PPP2R5B: variants seen among roughly 807,000 people sequenced by gnomAD.
PPP2R5B encodes protein phosphatase 2 regulatory subunit B'beta.
In PPP2R5B, 19 loss-of-function variants were observed where a neutral mutation model predicts 59.9. The observed-to-expected ratio is 0.32, with a 90% CI of 0.22 to 0.47. The LOEUF (loss-of-function observed/expected upper bound fraction) is 0.47, where lower values mean the gene tolerates loss of function less well. Ranked by LOEUF, PPP2R5B falls within the 20% of genes least tolerant of loss-of-function variation. The probability of loss-of-function intolerance (pLI) is 1.00; values close to 1 mark genes in which losing one functional copy is unlikely to be tolerated. For missense variants in PPP2R5B, 441 were observed against 640.2 expected, an observed-to-expected ratio of 0.69 and a Z score of 3.36; for synonymous variants, 286 against 260.5, an observed-to-expected ratio of 1.10 and a Z score of -0.94.
In PPP2R5B at chr11:64,928,170, A is replaced by T; in HGVS notation, c.591+12A>T. On this transcript the variant is annotated intron_variant, in intron 5 of 13. Transcript: ENST00000164133. ...AGTTTGTCCTGATGGTGAAGTGGGG[A>T]GCCCAGGCTGGGTGGTACCACAAGG... 6.2e-7 allele frequency: 1 copy of T among 1,613,878 alleles called. No individual in the cohort carries two copies. The highest frequency in any genetic ancestry group is 1.3e-5 in the African/African-American group (1 of 75,002).
chr11:64,933,734 C>G lies in PPP2R5B; in HGVS notation c.1384C>G (p.Gln462Glu). The G allele has an allele frequency of 6.4e-7, 1 of 1,558,102 alleles. No homozygotes were observed. The highest frequency in any genetic ancestry group is 8.7e-7 in the Non-Finnish European group (1 of 1,150,506). The change falls in exon 14 of 14, where the codon CAA becomes GAA. Residue 462 changes from glutamine (Q) to glutamate (E), a missense_variant. Gln to Glu is a conservative substitution (Grantham distance 29). Transcript: ENST00000164133. ...GGCCCAGGAGCGTCAGGAGTTATGGCAAGGTCTGGAGGAGCTGCGGCTACG... is the reference window on the plus strand; with the variant it reads ...GGCCCAGGAGCGTCAGGAGTTATGGGAAGGTCTGGAGGAGCTGCGGCTACG... ...QKAQERQELW[Q>E]GLEELRLRRL... is the part of the protein sequence containing the mutation.
At chr11:64,922,788 T>C (rs1261711166), upstream of PPP2R5B, among the ~76,000 whole-genome samples, 1 of 150,792 alleles carries the variant, frequency 6.6e-6, no homozygotes, top group Non-Finnish European at 1.5e-5. Context: ...GGCAGGAGAA[T>C]GGTGTGAACC....
chr11:64,918,355 TATG>T (rs2136667392), intron 1 of PPP2R5B: 1 of 152,118 alleles, frequency 6.6e-6, no homozygotes, highest in Admixed American at 6.5e-5. Flanking sequence ...CATAGGTAAT[TATG>T]TTTCTTTTCT....
At chr11:64,933,654 G>T (rs1945252962) in intron 13 of PPP2R5B, 43 bp from the exon 14 acceptor site, 1 of 1,531,770 alleles carries the variant, frequency 6.5e-7, no homozygotes, top group Non-Finnish European at 8.8e-7. Context: ...TCTGGACTGT[G>T]GGGGGCCCCA....
At chr11:64,921,898 C>T (rs1945112911), upstream of PPP2R5B, among the ~76,000 whole-genome samples, 1 of 152,158 alleles carries the variant, frequency 6.6e-6, no homozygotes, top group African/African-American at 2.4e-5. Context: ...TTGCATATAA[C>T]ACAACGTGAT....
upstream of PPP2R5B, among the ~76,000 whole-genome samples, chr11:64,923,539 C>T (rs376362729): frequency 1.3e-5 from 2 of 152,192 alleles, no homozygotes; most frequent in East Asian, 3.9e-4. Context: ...TGGTGAACTG[C>T]GGCCCTCGGT....
intron 1 of PPP2R5B, among the ~76,000 whole-genome samples, chr11:64,919,391 C>A (rs1311980460): frequency 4.0e-5 from 6 of 151,826 alleles, no homozygotes; most frequent in Non-Finnish European, 7.4e-5. Flanking sequence ...TAGAGCTCTG[C>A]CTTCTTCCAT....
chr11:64,927,804 C>A lies in PPP2R5B; in HGVS notation c.399C>A (p.Ile133=). The A allele has an allele frequency of 6.3e-7, 1 of 1,597,408 alleles. No homozygotes were observed. The highest frequency in any genetic ancestry group is 1.1e-5 in the South Asian group (1 of 90,766). ...EPVYPDIIRM[I]SVNIFRTLPP... ...TGAACCCCAACTCTGCCACTCAGATCTCAGTGAATATCTTCCGGACTCTGC... is the reference window on the plus strand; with the variant it reads ...TGAACCCCAACTCTGCCACTCAGATATCAGTGAATATCTTCCGGACTCTGC... Residue 133 remains isoleucine, a splice_region_variant and synonymous_variant, in exon 4 of 14, where the codon ATC becomes ATA. Transcript: ENST00000164133.
At chr11:64,921,203 G>C (rs1056447407), upstream of PPP2R5B, among the ~76,000 whole-genome samples, 14 of 151,940 alleles carry the variant, frequency 9.2e-5, no homozygotes, top group African/African-American at 3.1e-4. Context: ...CAATCCACCT[G>C]CCTCTGCCTC....
In PPP2R5B at chr11:64,925,161, G is replaced by T; in HGVS notation, c.-265+133G>T. 1 of 153,258 alleles carries T rather than the reference G, an allele frequency of 6.5e-6. No individual in the cohort carries two copies. The highest frequency in any genetic ancestry group is 1.5e-5 in the Non-Finnish European group (1 of 68,630). The allele number at this position is 153,258 out of a possible 1,614,324, so 9.5% of individuals were successfully genotyped here. On this transcript the variant is annotated intron_variant, in intron 1 of 13. Coordinates refer to ENST00000164133, the MANE Select transcript of PPP2R5B (RefSeq NM_006244.4). The surrounding 1 kb of genome is among the most constrained non-coding windows in gnomAD (Gnocchi z 4.6). ...TCTTGGGGTTGTCCCAAGTGGCCGGGATTAGTGGAGCAGCGATGCGTTCCA... is the reference window on the plus strand; with the variant it reads ...TCTTGGGGTTGTCCCAAGTGGCCGGTATTAGTGGAGCAGCGATGCGTTCCA...
Position 64,933,267 on chromosome 11 carries a change from G to C in PPP2R5B, c.1346+21G>C, listed in dbSNP as rs370656052. 1.0e-5 allele frequency: 16 copies of C among 1,569,378 alleles called. No individual in the cohort carries two copies. The African/African-American group carries it at 2.0e-4, about 20-fold the overall frequency. On this transcript the variant is annotated intron_variant, in intron 13 of 13. Transcript: ENST00000164133. ...CAGCAGTGAGTGTTGGGGGCTGGGC[G>C]TGGGGGAAGGGAGAAGAGCAGGGAG...
At chr11:64,918,632 A>G (rs1315218247) in intron 1 of PPP2R5B, among the ~76,000 whole-genome samples, 1 of 151,326 alleles carries the variant, frequency 6.6e-6, no homozygotes, top group Non-Finnish European at 1.5e-5. Flanking sequence ...TGCCCGGCCT[A>G]TGTTTCTATT....
rs1311811630 is a variant in PPP2R5B at position 64,933,839 on chromosome 11, A to G, written c.1489A>G (p.Ser497Gly). 7.2e-6 allele frequency: 11 copies of G among 1,535,646 alleles called. No individual in the cohort carries two copies. Among genetic ancestry groups the G allele is most frequent in the African/African-American group, 1.4e-5 (1 of 72,128 alleles). The change falls in exon 14 of 14, where the codon AGC becomes GGC. Residue 497 changes from serine (S) to glycine (G), a missense_variant. This residue lies in a region of PPP2R5B where 70 missense variants were observed against 64.2 expected (regional missense o/e 1.09). Coordinates refer to ENST00000164133, the MANE Select transcript of PPP2R5B (RefSeq NM_006244.4). ...TPQVAASGGQ[S>G] ...CCAGGTGGCCGCCAGTGGGGGTCAG[A>G]GCTAGACAGCACCTCAGAAGGGGAA... is the stretch of plus-strand genomic sequence containing the variant.
chr11:64,930,508 GA>G lies in PPP2R5B; in HGVS notation c.812del (p.Lys271ArgfsTer12). On this transcript the variant is annotated frameshift_variant, in exon 8 of 14. Transcript: ENST00000164133. LOFTEE classifies it high-confidence loss of function. ...SIINGFALPL[K>X]TEHKQFLVRV... ...TCATCAATGGCTTTGCGCTGCCCCT[GA>G]AGACGGAGCACAAGCAGTTCCTGGT... The G allele has an allele frequency of 1.2e-6, 2 of 1,614,156 alleles. No homozygotes were observed. The highest frequency in any genetic ancestry group is 1.7e-6 in the Non-Finnish European group (2 of 1,180,030).
chr11:64,923,007 T>G (rs1945124378), upstream of PPP2R5B: 1 of 152,292 alleles, frequency 6.6e-6, no homozygotes, highest in Non-Finnish European at 1.5e-5. Context: ...TCACCCAGGC[T>G]GGAATGCGAC....
At chr11:64,933,346 G>C (rs1945249596) in intron 13 of PPP2R5B, 100 bp downstream of exon 13, 2 of 1,015,652 alleles carry the variant, frequency 2.0e-6, no homozygotes, top group Middle Eastern at 2.7e-4. Context: ...AACTCTGTCT[G>C]ATCAGATGCT....
At chr11:64,927,238 C>T (rs911733368) in intron 3 of PPP2R5B, among the ~76,000 whole-genome samples, 5 of 152,228 alleles carry the variant, frequency 3.3e-5, no homozygotes, top group African/African-American at 1.2e-4. Flanking sequence ...GCCCGTAGAC[C>T]TCACAGCTTC....
chr11:64,918,013 C>T (rs1157163978), intron 1 of PPP2R5B, among the ~76,000 whole-genome samples: 4 of 152,138 alleles, frequency 2.6e-5, no homozygotes, highest in Admixed American at 1.3e-4. Context: ...TTTGTACGGC[C>T]TTTGAGCTAA....
At chr11:64,920,131 A>G (rs1234415524), upstream of PPP2R5B, among the ~76,000 whole-genome samples, 1 of 152,184 alleles carries the variant, frequency 6.6e-6, no homozygotes, top group Non-Finnish European at 1.5e-5. Context: ...AAAAGGAAAG[A>G]AAAAAGAAAA....
Sources: allele counts gnomAD v4.1 joint callset (sites outside exome capture counted in the v4.1 genomes callset), GRCh38; gene constraint gnomAD v4.1.1; regional missense constraint gnomAD v4.1.1; non-coding constraint Gnocchi (gnomAD v3.1); transcripts MANE v1.5; gene names NCBI Gene and HGNC (gene_info 2026-07-23, HGNC 2026-07-21).